TJP3: variants seen among roughly 807,000 people sequenced by gnomAD.
TJP3 encodes the protein tight junction protein 3.
TJP3 carries 85 observed loss-of-function variants against 104.2 expected under a neutral mutation model. The observed-to-expected ratio is 0.82, with a 90% CI of 0.68 to 0.98. The LOEUF (loss-of-function observed/expected upper bound fraction) is 0.98, where lower values mean the gene tolerates loss of function less well. Among genes scored for constraint, TJP3 ranks in the 50% least tolerant of loss-of-function variants. The pLI, the probability that TJP3 is intolerant of heterozygous loss-of-function variation, is 0.00. For missense variants in TJP3, 1,367 were observed against 1,322.8 expected (o/e 1.03, Z -0.52); for synonymous variants, 550 against 550.6 (o/e 1.00, Z 0.02).
chr19:3,713,647 C>G (rs184737818), intron 1 of TJP3, among the ~76,000 whole-genome samples: 1 of 152,282 alleles, frequency 6.6e-6, no homozygotes, highest in South Asian at 2.1e-4. Context: ...TAGTGGAAAT[C>G]AGTTGGGTGT....
At chr19:3,745,091 A>G (rs2036868204) in intron 15 of TJP3, among the ~76,000 whole-genome samples, 1 of 151,328 alleles carries the variant, frequency 6.6e-6, no homozygotes, top group Non-Finnish European at 1.5e-5. Context: ...CTATAAAAGA[A>G]AAAAGAATTT....
In TJP3 at chr19:3,746,021, C is replaced by T. The variant is rs1884820332; in HGVS notation, c.1950C>T (p.Ser650=). The T allele has an allele frequency of 1.4e-5, 23 of 1,606,836 alleles. No homozygotes were observed. The highest frequency in any genetic ancestry group is 1.9e-5 in the Non-Finnish European group (22 of 1,176,480). ...PDQFEIAETV[S]RTDSPSKIIK... The stretch of plus-strand genomic sequence containing the variant: ...CTCTGCCGTCCACAGAGACTGTGTC[C>T]AGGACCGACAGCCCCTCCAAGATCA... Residue 650 remains serine (S), a synonymous_variant, in exon 16 of 21, where the codon TCC becomes TCT. Coordinates refer to ENST00000541714, the MANE Select transcript of TJP3 (RefSeq NM_001267560.2). This position sits in a 1 kb window ranked among gnomAD's most constrained non-coding sequence, Gnocchi z 4.1.
At chr19:3,716,463 CAG>C in intron 1 of TJP3, among the ~76,000 whole-genome samples, 1 of 148,168 alleles carries the variant, frequency 6.7e-6, no homozygotes, top group East Asian at 2.0e-4. Flanking sequence ...CAGGGGCAAA[CAG>C]AGCTGCAGCC....
rs192769680 is a variant in TJP3, at chr19:3,712,850, G to A, written c.-10+4289G>A. 4.5e-3 allele frequency among the ~76,000 whole-genome samples: 686 copies of A among 152,000 alleles called. 6 individuals carry two copies. The highest frequency in any genetic ancestry group is 0.015 in the African/African-American group (639 of 41,452). On this transcript the variant is annotated intron_variant, in intron 1 of 20. Transcript: ENST00000541714. Reference sequence around the variant, plus strand: ...TGTGGCCCCAGCTACACAGGAGGCTGGGGTGGGAGGATCGCTTGAGCCCAG... The same window carrying A: ...TGTGGCCCCAGCTACACAGGAGGCTAGGGTGGGAGGATCGCTTGAGCCCAG...
chr19:3,734,622 T>C (rs139661740), intron 8 of TJP3, among the ~76,000 whole-genome samples, 187 bp downstream of exon 8: 1 of 152,230 alleles, frequency 6.6e-6, no homozygotes, highest in South Asian at 2.1e-4. Flanking sequence ...TCCGCATTTG[T>C]AGGTGTTGGT....
chr19:3,718,099 G>T (rs953909124), intron 1 of TJP3, among the ~76,000 whole-genome samples: 1 of 150,892 alleles, frequency 6.6e-6, no homozygotes, highest in African/African-American at 2.4e-5. Flanking sequence ...CCAGCTACTC[G>T]GGAGGCTGAG....
At position 3,738,691 on chromosome 19, in the gene TJP3, T is replaced by G. The variant is rs375923655; in HGVS notation, c.1393+28T>G. The G allele has an allele frequency of 2.0e-5, 32 of 1,592,098 alleles. No individual in the cohort carries two copies. The African/African-American group carries it at 3.6e-4, about 18-fold the overall frequency. On this transcript the variant is annotated intron_variant, in intron 12 of 20. Transcript: ENST00000541714. The stretch of plus-strand genomic sequence containing the variant: ...GAGTGCGCGTGGATATGGGTGTGCC[T>G]GTGTGTTGCGGGGGGAGGACCTGGC...
In TJP3 at chr19:3,736,286, G is replaced by A. The variant is rs147476522; in HGVS notation, c.1249G>A (p.Gly417Arg). ...SGVQAGSPAD[G>R]QGIQEGDQIL... ...GGTGCAGGCGGGCAGCCCGGCCGAC[G>A]GGCAGGGCATCCAGGAGGGAGATCA... The change falls in exon 11 of 21, where the codon GGG becomes AGG. Residue 417 changes from glycine (G) to arginine (R), a missense_variant. Physicochemically the swap from Gly to Arg is moderately radical, Grantham distance 125. Transcript: ENST00000541714. The A allele has an allele frequency of 8.8e-5, 136 of 1,539,588 alleles. No individual in the cohort carries two copies. The highest frequency in any genetic ancestry group is 8.5e-4 in the African/African-American group (62 of 72,578).
intron 7 of TJP3, 36 bp downstream of exon 7, chr19:3,733,948 G>GA: frequency 6.2e-7 from 1 of 1,601,678 alleles, no homozygotes; most frequent in Non-Finnish European, 8.5e-7. Context: ...GGAGGGGGTT[G>GA]AATGGATGGC....
intron 1 of TJP3, among the ~76,000 whole-genome samples, chr19:3,713,105 C>T (rs982042260): frequency 6.6e-6 from 1 of 152,132 alleles, no homozygotes; most frequent in African/African-American, 2.4e-5. Flanking sequence ...CCTCCAGCCT[C>T]CCCAGGACGC....
At chr19:3,724,807 G>C (rs1196750746) in intron 1 of TJP3, among the ~76,000 whole-genome samples, 4 of 152,100 alleles carry the variant, frequency 2.6e-5, no homozygotes, top group Non-Finnish European at 4.4e-5. Flanking sequence ...CCAAAGTGCT[G>C]AGATTATAGG....
At chr19:3,713,217 C>T (rs141080660) in intron 1 of TJP3, among the ~76,000 whole-genome samples, 5 of 152,284 alleles carry the variant, frequency 3.3e-5, no homozygotes, top group African/African-American at 9.6e-5. Flanking sequence ...TGGCAACCCA[C>T]AGACCGGGGC....
intron 1 of TJP3, among the ~76,000 whole-genome samples, chr19:3,719,600 G>T (rs1244778342): frequency 2.0e-5 from 3 of 151,870 alleles, no homozygotes; most frequent in Admixed American, 2.0e-4. Context: ...GCCAGGCGTG[G>T]TGGCGGGTGC....
rs184596181 is a variant in TJP3, at chr19:3,717,345, C to T, written c.-10+8784C>T. On this transcript the variant is annotated intron_variant, in intron 1 of 20. Coordinates refer to ENST00000541714, the MANE Select transcript of TJP3 (RefSeq NM_001267560.2). ...CTCAAACTCCTGACCTCAAGTGATT[C>T]GGCCGCCTTGGCCATCCAAAGTGGG... is the stretch of plus-strand genomic sequence containing the variant. Among the ~76,000 whole-genome samples the T allele has an allele frequency of 5.1e-4, 75 of 147,808 alleles. 3 individuals are homozygous for T. In the East Asian group the frequency reaches 0.011, roughly 22 times the overall value.
chr19:3,735,880 G>A lies in TJP3; in HGVS notation c.1072G>A (p.Glu358Lys). The change falls in exon 10 of 21, where the codon GAA (glutamate) becomes AAA (lysine). Residue 358 changes from glutamate to lysine, a missense_variant. Glu to Lys is a moderately conservative substitution (Grantham distance 56, BLOSUM62 1). Coordinates refer to ENST00000541714, the MANE Select transcript of TJP3 (RefSeq NM_001267560.2). ...PDEQRSELPRESSYDIYRVPS... is the reference protein window; with the variant it reads ...PDEQRSELPRKSSYDIYRVPS... Reference sequence around the variant, plus strand: ...CTTTTCCCTTTCAGAGTTGCCCAGGGAAAGCAGCTATGACATCTACAGAGT... The same window carrying A: ...CTTTTCCCTTTCAGAGTTGCCCAGGAAAAGCAGCTATGACATCTACAGAGT... 1 of 1,614,158 alleles carries A rather than the reference G, an allele frequency of 6.2e-7. No individual in the cohort carries two copies. Among genetic ancestry groups the A allele is most frequent in the South Asian group, 1.1e-5 (1 of 91,088 alleles).
intron 1 of TJP3, among the ~76,000 whole-genome samples, chr19:3,717,991 G>A (rs2036497798): frequency 6.6e-6 from 1 of 151,432 alleles, no homozygotes; most frequent in Admixed American, 6.6e-5. Context: ...CGAGGGGGGC[G>A]GATCACAAGG....
chr19:3,717,318 G>A lies in TJP3; in HGVS notation c.-10+8757G>A, dbSNP rs556845792. Reference sequence around the variant, plus strand: ...GAGTTTCACCATGTTGGCCAGGCTGGTCTCAAACTCCTGACCTCAAGTGAT... The same window carrying A: ...GAGTTTCACCATGTTGGCCAGGCTGATCTCAAACTCCTGACCTCAAGTGAT... On this transcript the variant is annotated intron_variant, in intron 1 of 20. Coordinates refer to ENST00000541714, the MANE Select transcript of TJP3 (RefSeq NM_001267560.2). Among the ~76,000 whole-genome samples the A allele has an allele frequency of 5.2e-4, 68 of 131,276 alleles. 1 individual carries two copies. Among genetic ancestry groups the A allele is most frequent in the African/African-American group, 1.6e-3 (65 of 40,020 alleles). 86.1% of individuals were successfully genotyped at this position (131,276 alleles called of 152,430 possible).
chr19:3,723,856 G>C (rs889586677), intron 1 of TJP3, among the ~76,000 whole-genome samples: 1 of 150,968 alleles, frequency 6.6e-6, no homozygotes, highest in Non-Finnish European at 1.5e-5. Flanking sequence ...AGGAGTGATA[G>C]GGGATCAGAG....
intron 9 of TJP3, 109 bp from the exon 10 acceptor site, chr19:3,735,757 GAGA>G (rs1599156217): frequency 3.8e-6 from 6 of 1,580,034 alleles, no homozygotes; most frequent in Non-Finnish European, 5.2e-6. Context: ...ATGGTTTCCT[GAGA>G]AGGACTCGAG....
Sources: gnomAD v4.1 joint callset for allele counts (sites outside exome capture counted in the v4.1 genomes callset) on GRCh38, gnomAD v4.1.1 for gene constraint, Gnocchi (gnomAD v3.1) non-coding constraint, MANE v1.5 for transcripts, NCBI Gene and HGNC (gene_info 2026-07-23, HGNC 2026-07-21) for gene names.